The following ARHGEF33 variants were observed in gnomAD, a reference collection of about 807,000 sequenced individuals.
ARHGEF33 encodes Rho guanine nucleotide exchange factor 33, also known as DH and coiled-coil domain-containing protein ENSP00000381780.
In ARHGEF33, 72 loss-of-function variants were observed where a neutral mutation model predicts 101.9. The observed-to-expected ratio is 0.71, with a 90% confidence interval of 0.58 to 0.86. The LOEUF (loss-of-function observed/expected upper bound fraction) is 0.86. Ranked by LOEUF, ARHGEF33 falls within the 40% of genes least tolerant of loss-of-function variation. ARHGEF33 has a pLI of 0.00. For synonymous variants in ARHGEF33, 499 were observed against 442.5 expected, an observed-to-expected ratio of 1.13 and a Z score of -1.60; for missense variants, 1,169 against 1,111.3, an observed-to-expected ratio of 1.05 and a Z score of -0.74.
At chr2:38,957,329 A>G (rs1019422091) in intron 14 of ARHGEF33, among the ~76,000 whole-genome samples, 1 of 152,176 alleles carries the variant, frequency 6.6e-6, no homozygotes, top group African/African-American at 2.4e-5. Context: ...ACTGCCCTAA[A>G]CTTGCCTGGT....
At chr2:38,898,215 G>C (rs1666163554) in intron 2 of ARHGEF33, among the ~76,000 whole-genome samples, 1 of 152,140 alleles carries the variant, frequency 6.6e-6, no homozygotes, top group Non-Finnish European at 1.5e-5. Context: ...TATTTAAAAA[G>C]ATATATTGCT....
At chr2:38,909,617 G>A (rs2124984966) in intron 2 of ARHGEF33, among the ~76,000 whole-genome samples, 1 of 151,286 alleles carries the variant, frequency 6.6e-6, no homozygotes, top group East Asian at 1.9e-4. Context: ...GGGATTACAG[G>A]CATGAGTCAC....
intron 2 of ARHGEF33, among the ~76,000 whole-genome samples, chr2:38,901,492 C>A (rs546482974): frequency 6.6e-6 from 1 of 152,230 alleles, no homozygotes; most frequent in South Asian, 2.1e-4. Flanking sequence ...CTTCTGAGCT[C>A]GGTACTTCAG....
At chr2:38,904,949 C>G (rs535970105) in intron 2 of ARHGEF33, among the ~76,000 whole-genome samples, 3 of 152,006 alleles carry the variant, frequency 2.0e-5, no homozygotes, top group East Asian at 1.9e-4. Flanking sequence ...AAGGAAGACT[C>G]GTAAGGATTT....
intron 3 of ARHGEF33, among the ~76,000 whole-genome samples, chr2:38,920,204 CT>C (rs1203668929): frequency 1.3e-5 from 2 of 152,042 alleles, no homozygotes; most frequent in Non-Finnish European, 2.9e-5. Flanking sequence ...CAACCAGGGG[CT>C]TCCTCTATAA....
At chr2:38,907,059 G>C (rs1666409379) in intron 2 of ARHGEF33, among the ~76,000 whole-genome samples, 1 of 152,140 alleles carries the variant, frequency 6.6e-6, no homozygotes, top group South Asian at 2.1e-4. Context: ...TGCCCTTTGA[G>C]GGTTGAGCAA....
chr2:38,946,718 C>G (rs1012357175), intron 10 of ARHGEF33, among the ~76,000 whole-genome samples: 1 of 152,136 alleles, frequency 6.6e-6, no homozygotes. Flanking sequence ...CTCCACTTCC[C>G]GGGTTCAAGT....
intron 4 of ARHGEF33, among the ~76,000 whole-genome samples, chr2:38,927,774 A>T (rs1426032958): frequency 6.6e-6 from 1 of 152,232 alleles, no homozygotes; most frequent in Non-Finnish European, 1.5e-5. Context: ...TTAAAGAGAC[A>T]TGTGGAGCTA....
intron 11 of ARHGEF33, 115 bp downstream of exon 11, chr2:38,951,236 G>T (rs931147459): frequency 2.1e-6 from 2 of 973,342 alleles, no homozygotes; most frequent in South Asian, 1.7e-5. Context: ...GAACCACTGA[G>T]ATCTAGTCTA....
intron 2 of ARHGEF33, among the ~76,000 whole-genome samples, 190 bp from the exon 3 acceptor site, chr2:38,919,173 T>C (rs1238500406): frequency 2.0e-5 from 3 of 152,210 alleles, no homozygotes; most frequent in Non-Finnish European, 4.4e-5. Context: ...ATTTGAATAA[T>C]GAATTTCATA....
At chr2:38,892,016 CA>C (rs1666016062) in intron 1 of ARHGEF33, among the ~76,000 whole-genome samples, 1 of 152,054 alleles carries the variant, frequency 6.6e-6, no homozygotes, top group Non-Finnish European at 1.5e-5. Flanking sequence ...CCTTTACTGA[CA>C]AAAAGACAGG....
intron 10 of ARHGEF33, among the ~76,000 whole-genome samples, chr2:38,944,719 C>T (rs912230704): frequency 1.3e-5 from 2 of 152,156 alleles, no homozygotes; most frequent in Non-Finnish European, 2.9e-5. Context: ...TGCATGGAGT[C>T]CCCATGGGTC....
intron 10 of ARHGEF33, among the ~76,000 whole-genome samples, chr2:38,949,392 C>T (rs1667535477): frequency 6.6e-6 from 1 of 152,102 alleles, no homozygotes; most frequent in African/African-American, 2.4e-5. Context: ...AAAAACTCTG[C>T]TTCTTTTTAT....
At chr2:38,909,706 A>ATTTTTTT (rs71813216) in intron 2 of ARHGEF33, among the ~76,000 whole-genome samples, 2 of 111,836 alleles carry the variant, frequency 1.8e-5, no homozygotes, top group Non-Finnish European at 3.7e-5. Context: ...TTCAAGGATG[A>ATTTTTTT]TTTTTTTTTT....
intron 17 of ARHGEF33, among the ~76,000 whole-genome samples, chr2:38,967,104 A>C (rs540909374): frequency 8.8e-4 from 134 of 152,378 alleles, no homozygotes; most frequent in African/African-American, 3.1e-3. Context: ...TAAGTGAGGA[A>C]GCACAGGGAA....
chr2:38,971,880 G>A (rs770853120), intron 17 of ARHGEF33: 1 of 718,608 alleles, frequency 1.4e-6, no homozygotes, highest in South Asian at 1.5e-5. Flanking sequence ...AAATGGGAAC[G>A]CAACTGGTGA....
intron 16 of ARHGEF33, among the ~76,000 whole-genome samples, chr2:38,960,878 G>C (rs1431533207): frequency 6.6e-6 from 1 of 152,198 alleles, no homozygotes; most frequent in African/African-American, 2.4e-5. Context: ...CTGTTCTCCA[G>C]TACCAGGACC....
chr2:38,904,950 G>C (rs937403390), intron 2 of ARHGEF33, among the ~76,000 whole-genome samples: 2 of 152,118 alleles, frequency 1.3e-5, no homozygotes, highest in African/African-American at 4.8e-5. Flanking sequence ...AGGAAGACTC[G>C]TAAGGATTTC....
At chr2:38,918,154 T>C (rs1666676151) in intron 2 of ARHGEF33, among the ~76,000 whole-genome samples, 1 of 152,186 alleles carries the variant, frequency 6.6e-6, no homozygotes, top group South Asian at 2.1e-4. Context: ...CTAGCAGCAA[T>C]GCCTAAATCA....
Sources: allele counts gnomAD v4.1 joint callset (sites outside exome capture counted in the v4.1 genomes callset), GRCh38; gene constraint gnomAD v4.1.1; transcripts MANE v1.5; gene names NCBI Gene and HGNC (gene_info 2026-07-23, HGNC 2026-07-21).